The following SIM2 variants were observed in gnomAD, a reference collection of about 807,000 sequenced individuals.
SIM2 encodes the protein single-minded homolog 2.
Under a neutral mutation model 64.8 loss-of-function variants are expected in SIM2, and 28 were observed. The observed-to-expected ratio is 0.43, with a 90% CI of 0.32 to 0.59. SIM2 has a LOEUF of 0.59. Among genes scored for constraint, SIM2 ranks in the 20% least tolerant of loss-of-function variants. The probability of loss-of-function intolerance (pLI) is 0.07; values close to 1 mark genes in which losing one functional copy is unlikely to be tolerated. For synonymous variants in SIM2, 408 were observed against 391.1 expected (o/e 1.04, Z -0.51); for missense variants, 847 against 871.4 (o/e 0.97, Z 0.35).
At chr21:36,713,913 C>T (rs868262607) in intron 3 of SIM2, among the ~76,000 whole-genome samples, 1 of 152,204 alleles carries the variant, frequency 6.6e-6, no homozygotes, top group Non-Finnish European at 1.5e-5. Flanking sequence ...CTGCTTTTAT[C>T]AAACCAAGTC....
At chr21:36,734,512 G>C (rs2089017067) in intron 7 of SIM2, among the ~76,000 whole-genome samples, 1 of 152,196 alleles carries the variant, frequency 6.6e-6, no homozygotes, top group Non-Finnish European at 1.5e-5. Flanking sequence ...AACCAGAAAA[G>C]ACTGCACCCC....
chr21:36,720,792 G>C (rs1395004692), intron 4 of SIM2, among the ~76,000 whole-genome samples: 1 of 152,258 alleles, frequency 6.6e-6, no homozygotes, highest in Non-Finnish European at 1.5e-5. Flanking sequence ...GGAAGATACA[G>C]AAGGACTTAT....
intron 1 of SIM2, among the ~76,000 whole-genome samples, chr21:36,704,742 C>T (rs912549485): frequency 6.6e-6 from 1 of 152,236 alleles, no homozygotes; most frequent in Non-Finnish European, 1.5e-5. Flanking sequence ...CCTCAGAATA[C>T]GTAGGATACC....
intron 7 of SIM2, among the ~76,000 whole-genome samples, chr21:36,732,271 A>G (rs1253860778): frequency 2.0e-5 from 3 of 152,226 alleles, no homozygotes; most frequent in Non-Finnish European, 2.9e-5. Flanking sequence ...TGCCACGCCC[A>G]TGGCCAGTCG....
chr21:36,732,579 T>C (rs1265534860), intron 7 of SIM2, among the ~76,000 whole-genome samples: 2 of 152,220 alleles, frequency 1.3e-5, no homozygotes, highest in Non-Finnish European at 2.9e-5. Flanking sequence ...CCAGGACTTA[T>C]GGCTGAGCAG....
intron 1 of SIM2, among the ~76,000 whole-genome samples, chr21:36,704,533 G>A (rs2088552240): frequency 6.6e-6 from 1 of 152,242 alleles, no homozygotes; most frequent in African/African-American, 2.4e-5. Flanking sequence ...TGCTTTCGTT[G>A]CAGGCGAGGA....
At chr21:36,725,095 C>T (rs532366641) in intron 5 of SIM2, among the ~76,000 whole-genome samples, 5 of 152,198 alleles carry the variant, frequency 3.3e-5, no homozygotes, top group Non-Finnish European at 5.9e-5. Context: ...CCTGTAATTC[C>T]AGTACTTTGG....
Position 36,744,972 on chromosome 21 carries a change from C to G in SIM2, c.1412C>G (p.Ser471Cys). Residue 471 changes from serine (S) to cysteine (C), a missense_variant, in exon 10 of 11, where the codon TCC becomes TGC. Ser to Cys is a moderately radical substitution (Grantham distance 112, BLOSUM62 -1). Coordinates refer to ENST00000290399, the MANE Select transcript of SIM2 (RefSeq NM_005069.6). ...LPAKFGQPQGSPCEVARFFLS... is the reference protein window; with the variant it reads ...LPAKFGQPQGCPCEVARFFLS... ...GCCAAGTTCGGGCAGCCCCAAGGAT[C>G]CCCTTGTGAGGTGGCACGCTTTTTC... The G allele has an allele frequency of 6.2e-7, 1 of 1,614,266 alleles. No homozygotes were observed.
At chr21:36,743,592 T>G in intron 9 of SIM2, 37 bp downstream of exon 9, 1 of 1,598,344 alleles carries the variant, frequency 6.3e-7, no homozygotes, top group African/African-American at 1.3e-5. Context: ...GGTGCTGACA[T>G]CTATCCTAGG....
At position 36,704,461 on chromosome 21, in the gene SIM2, C is replaced by A. The variant is rs369769374; in HGVS notation, c.175+4540C>A. On this transcript the variant is annotated intron_variant, in intron 1 of 10. Coordinates refer to ENST00000290399, the MANE Select transcript of SIM2 (RefSeq NM_005069.6). ...GCAGCTGGGGATCCAGGAGGGAAAG[C>A]CCGCAGGCGCAGAGGGGACAATCCG... Among the ~76,000 whole-genome samples, 19 of 152,360 alleles carry A rather than the reference C, an allele frequency of 1.2e-4. No individual in the cohort carries two copies. The East Asian group carries it at 3.3e-3, about 26-fold the overall frequency.
rs1044393980 is a variant in SIM2 at position 36,736,609 on chromosome 21, C to T, written c.851-5108C>T. ...GCAGAGGTCAGGCGAGGGGGCACCTCGGACCAGAGAAGGGGGCATGCGGGC... is the reference window on the plus strand; with the variant it reads ...GCAGAGGTCAGGCGAGGGGGCACCTTGGACCAGAGAAGGGGGCATGCGGGC... On this transcript the variant is annotated intron_variant, in intron 7 of 10. Transcript: ENST00000290399. 2.0e-5 allele frequency among the ~76,000 whole-genome samples: 3 copies of T among 152,092 alleles called. No homozygotes were observed. The East Asian group carries it at 5.8e-4, about 29-fold the overall frequency.
intron 1 of SIM2, among the ~76,000 whole-genome samples, chr21:36,705,763 G>A (rs546227557): frequency 2.6e-5 from 4 of 152,328 alleles, no homozygotes; most frequent in East Asian, 1.9e-4. Flanking sequence ...GGAGGGCTGG[G>A]GTTAGGGACT....
At chr21:36,736,269 A>G (rs980475824) in intron 7 of SIM2, among the ~76,000 whole-genome samples, 1 of 151,868 alleles carries the variant, frequency 6.6e-6, no homozygotes, top group Admixed American at 6.6e-5. Context: ...AACAGCCAGG[A>G]CCCGAGTGAG....
In SIM2 at chr21:36,719,890, C is replaced by T. The variant is rs764141721; in HGVS notation, c.418C>T (p.Leu140Phe). The change falls in exon 4 of 11, where the codon CTC (leucine) becomes TTC (phenylalanine). Residue 140 changes from leucine to phenylalanine, a missense_variant. Around this residue, in one of 3 missense-constraint regions of SIM2, gnomAD observed 397 missense variants for 439.2 expected, o/e 0.90. Transcript: ENST00000290399. ...PSDHDEMTAV[L>F]TAHQPLHHHL... ...TGACCACGATGAGATGACCGCTGTCCTCACGGCCCACCAGCCGCTGCACCA... is the reference window on the plus strand; with the variant it reads ...TGACCACGATGAGATGACCGCTGTCTTCACGGCCCACCAGCCGCTGCACCA... The T allele has an allele frequency of 3.7e-6, 6 of 1,613,076 alleles. No individual in the cohort carries two copies. Among genetic ancestry groups the T allele is most frequent in the Admixed American group, 1.7e-5 (1 of 59,994 alleles).
chr21:36,701,941 C>T (rs2088505170), intron 1 of SIM2, among the ~76,000 whole-genome samples: 1 of 152,180 alleles, frequency 6.6e-6, no homozygotes, highest in Non-Finnish European at 1.5e-5. Flanking sequence ...TTCGAAGCAG[C>T]AATCCAAAGA....
intron 3 of SIM2, among the ~76,000 whole-genome samples, chr21:36,717,963 C>G (rs775999151): frequency 2.3e-4 from 35 of 152,054 alleles, no homozygotes; most frequent in Non-Finnish European, 3.2e-4. Context: ...TTCAGGGAGG[C>G]GAATGTCCGT....
intron 1 of SIM2, among the ~76,000 whole-genome samples, chr21:36,702,715 T>A (rs781431109): frequency 5.3e-5 from 8 of 151,422 alleles, no homozygotes; most frequent in Non-Finnish European, 1.2e-4. Context: ...GGCTGCGGGG[T>A]TGGAATAGGA....
intron 1 of SIM2, among the ~76,000 whole-genome samples, chr21:36,700,201 C>T (rs756659054): frequency 6.6e-6 from 1 of 152,236 alleles, no homozygotes; most frequent in Non-Finnish European, 1.5e-5. Context: ...GCCCGCACGG[C>T]CAGCGAGTTC....
At chr21:36,742,122 C>G (rs2089169284) in intron 8 of SIM2, among the ~76,000 whole-genome samples, 2 of 151,962 alleles carry the variant, frequency 1.3e-5, no homozygotes, top group Non-Finnish European at 2.9e-5. Flanking sequence ...CTGGGCATAG[C>G]TTCGGATCCC....
Sources: gnomAD v4.1 joint callset for allele counts (sites outside exome capture counted in the v4.1 genomes callset) on GRCh38, gnomAD v4.1.1 for gene constraint, gnomAD v4.1.1 regional missense constraint, MANE v1.5 for transcripts, NCBI Gene and HGNC (gene_info 2026-07-23, HGNC 2026-07-21) for gene names.